The following GRID1 variants were observed in gnomAD, a reference collection of about 807,000 sequenced individuals.
GRID1 encodes glutamate receptor ionotropic, delta-1.
In GRID1, 28 loss-of-function variants were observed where a neutral mutation model predicts 98.0. The observed-to-expected ratio is 0.29, with a 90% CI of 0.21 to 0.39. The LOEUF is 0.39. Among genes scored for constraint, GRID1 ranks in the 10% least tolerant of loss-of-function variants. The pLI, the probability that GRID1 is intolerant of heterozygous loss-of-function variation, is 1.00. For missense variants in GRID1, 1,111 were observed against 1,340.5 expected (o/e 0.83, Z 2.67); for synonymous variants, 553 against 538.5 (o/e 1.03, Z -0.37).
chr10:85,797,381 T>C (rs983346716), intron 8 of GRID1, among the ~76,000 whole-genome samples: 1 of 152,098 alleles, frequency 6.6e-6, no homozygotes, highest in African/African-American at 2.4e-5. Context: ...CCAACTCTAG[T>C]AGTCCACAGT....
At chr10:85,906,679 T>C (rs11201828) in intron 5 of GRID1, among the ~76,000 whole-genome samples, 1 of 151,970 alleles carries the variant, frequency 6.6e-6, no homozygotes, top group African/African-American at 2.4e-5. Flanking sequence ...AAAAGTAATA[T>C]AGAAGTATTT....
At chr10:85,860,611 C>T (rs764856323) in intron 6 of GRID1, among the ~76,000 whole-genome samples, 4 of 152,238 alleles carry the variant, frequency 2.6e-5, no homozygotes, top group Middle Eastern at 3.4e-3. Context: ...CACTAATTAC[C>T]ATACAGTACG....
At chr10:86,281,955 C>T (rs922079050) in intron 2 of GRID1, among the ~76,000 whole-genome samples, 4 of 152,194 alleles carry the variant, frequency 2.6e-5, no homozygotes, top group African/African-American at 9.7e-5. Context: ...TTAAATGCCA[C>T]TCCTTCCCAT....
intron 8 of GRID1, among the ~76,000 whole-genome samples, chr10:85,844,848 T>A: frequency 6.6e-6 from 1 of 152,050 alleles, no homozygotes. Flanking sequence ...ATAAAAATTA[T>A]ATAATTATCT....
intron 5 of GRID1, among the ~76,000 whole-genome samples, chr10:85,885,474 A>G (rs1841102848): frequency 6.6e-6 from 1 of 152,216 alleles, no homozygotes; most frequent in South Asian, 2.1e-4. Flanking sequence ...AATCAAAACA[A>G]AAATGTGATG....
intron 4 of GRID1, among the ~76,000 whole-genome samples, chr10:86,127,471 G>C (rs1162950455): frequency 6.6e-6 from 1 of 152,154 alleles, no homozygotes; most frequent in African/African-American, 2.4e-5. Context: ...GCCCAGATGG[G>C]AGGTGCCCTG....
At chr10:86,219,280 C>G (rs1846218768) in intron 2 of GRID1, among the ~76,000 whole-genome samples, 1 of 152,254 alleles carries the variant, frequency 6.6e-6, no homozygotes. Flanking sequence ...GACCCAGAAC[C>G]CCCAATCCAT....
At chr10:86,002,062 T>C (rs1471686933) in intron 4 of GRID1, among the ~76,000 whole-genome samples, 1 of 152,184 alleles carries the variant, frequency 6.6e-6, no homozygotes, top group Non-Finnish European at 1.5e-5. Flanking sequence ...TCTTCAAATT[T>C]TCCTCTTCTT....
At chr10:85,694,545 GGTGT>G (rs545762406) in intron 12 of GRID1, among the ~76,000 whole-genome samples, 71 of 88,868 alleles carry the variant, frequency 8.0e-4, no homozygotes, top group African/African-American at 2.9e-3. Flanking sequence ...AAGAAAATGT[GGTGT>G]GTATATATAT....
At chr10:85,674,105 G>C (rs1048467890) in intron 12 of GRID1, among the ~76,000 whole-genome samples, 2 of 152,184 alleles carry the variant, frequency 1.3e-5, no homozygotes, top group African/African-American at 4.8e-5. Flanking sequence ...GATGTGGCCA[G>C]TTCAGATGCA....
intron 4 of GRID1, among the ~76,000 whole-genome samples, chr10:85,953,039 T>A (rs576758644): frequency 6.6e-6 from 1 of 152,220 alleles, no homozygotes; most frequent in African/African-American, 2.4e-5. Flanking sequence ...ATAATATGTA[T>A]AACAAACACA....
chr10:86,289,780 G>T (rs1177953582), intron 2 of GRID1, among the ~76,000 whole-genome samples: 1 of 152,158 alleles, frequency 6.6e-6, no homozygotes, highest in Admixed American at 6.5e-5. Flanking sequence ...ACCCCAGTTG[G>T]TTCAGGGATG....
chr10:85,705,831 C>T (rs966174831), intron 12 of GRID1, among the ~76,000 whole-genome samples: 2 of 152,136 alleles, frequency 1.3e-5, no homozygotes, highest in African/African-American at 4.8e-5. Context: ...AAATGTAATC[C>T]AGCATATAAA....
At chr10:85,889,049 T>A (rs1841157505) in intron 5 of GRID1, among the ~76,000 whole-genome samples, 1 of 152,234 alleles carries the variant, frequency 6.6e-6, no homozygotes, top group South Asian at 2.1e-4. Flanking sequence ...ATCTGAAATG[T>A]AAACTTCTGC....
At chr10:85,791,031 C>A (rs1009068543) in intron 8 of GRID1, among the ~76,000 whole-genome samples, 1 of 152,200 alleles carries the variant, frequency 6.6e-6, no homozygotes, top group African/African-American at 2.4e-5. Flanking sequence ...CCAGAGACAA[C>A]GAGTGACTTC....
At chr10:86,050,096 T>C (rs1843480671) in intron 4 of GRID1, among the ~76,000 whole-genome samples, 1 of 152,184 alleles carries the variant, frequency 6.6e-6, no homozygotes, top group Admixed American at 6.5e-5. Flanking sequence ...CCAGGCGTGA[T>C]TCCACAGATG....
intron 4 of GRID1, among the ~76,000 whole-genome samples, chr10:86,096,121 C>A (rs891189485): frequency 9.2e-5 from 14 of 152,144 alleles, no homozygotes; most frequent in Admixed American, 2.0e-4. Context: ...GTCATATGTT[C>A]TCACTGATAT....
At chr10:86,132,362 A>G (rs1844851148) in intron 4 of GRID1, among the ~76,000 whole-genome samples, 1 of 152,196 alleles carries the variant, frequency 6.6e-6, no homozygotes, top group South Asian at 2.1e-4. Context: ...TTCCAAGCCC[A>G]TCTGAACAAA....
chr10:85,785,234 G>T (rs1842417369), intron 8 of GRID1, among the ~76,000 whole-genome samples: 1 of 152,210 alleles, frequency 6.6e-6, no homozygotes, highest in Admixed American at 6.5e-5. Context: ...TTCAGGTAAG[G>T]AATTCACTAT....
Sources: gnomAD v4.1 joint callset for allele counts (sites outside exome capture counted in the v4.1 genomes callset) on GRCh38, gnomAD v4.1.1 for gene constraint, MANE v1.5 for transcripts, NCBI Gene and HGNC (gene_info 2026-07-23, HGNC 2026-07-21) for gene names.